The following PLEKHH2 variants were observed in gnomAD, a reference collection of about 807,000 sequenced individuals.
PLEKHH2 encodes pleckstrin homology, MyTH4 and FERM domain containing H2.
PLEKHH2 carries 129 observed loss-of-function variants against 187.9 expected under a neutral mutation model. The ratio of observed to expected loss-of-function variants is 0.69; its 90% CI spans 0.59 to 0.79. PLEKHH2 has a LOEUF of 0.79. Ranked by LOEUF, PLEKHH2 falls within the 30% of genes least tolerant of loss-of-function variation. The pLI is 0.00. For synonymous variants in PLEKHH2, 686 were observed against 605.6 expected (o/e 1.13, Z -1.95); for missense variants, 2,076 against 1,751.2 (o/e 1.19, Z -3.31).
At chr2:43,674,984 CAA>C (rs57920523) in intron 2 of PLEKHH2, among the ~76,000 whole-genome samples, 17 of 104,100 alleles carry the variant, frequency 1.6e-4, no homozygotes, top group Non-Finnish European at 1.4e-4. Context: ...GACTCCATTT[CAA>C]AAAAAAAAAA....
At chr2:43,658,449 A>G (rs1353339113) in intron 2 of PLEKHH2, among the ~76,000 whole-genome samples, 1 of 152,232 alleles carries the variant, frequency 6.6e-6, no homozygotes, top group Admixed American at 6.5e-5. Flanking sequence ...AGCATTTATT[A>G]TCTTGCACAG....
At chr2:43,756,063 C>G (rs1672198425) in intron 25 of PLEKHH2, among the ~76,000 whole-genome samples, 2 of 152,244 alleles carry the variant, frequency 1.3e-5, no homozygotes, top group South Asian at 4.1e-4. Context: ...TCAACATTCC[C>G]TTAATACTCC....
intron 2 of PLEKHH2, among the ~76,000 whole-genome samples, chr2:43,668,189 C>T (rs970557098): frequency 2.0e-5 from 3 of 152,100 alleles, no homozygotes; most frequent in Admixed American, 6.5e-5. Context: ...CCCACCACCA[C>T]TCCTGGCTAA....
intron 6 of PLEKHH2, among the ~76,000 whole-genome samples, chr2:43,696,091 A>C (rs1669076073): frequency 6.6e-6 from 1 of 152,204 alleles, no homozygotes; most frequent in African/African-American, 2.4e-5. Flanking sequence ...GAATCAATTG[A>C]TAATCCGCTG....
rs1437349166 is a variant in PLEKHH2, at chr2:43,707,485, A to C, written c.1906A>C (p.Thr636Pro). The change falls in exon 11 of 30, where the codon ACG (threonine) becomes CCG (proline). Residue 636 changes from threonine (T) to proline (P), a missense_variant. Coordinates refer to ENST00000282406, the MANE Select transcript of PLEKHH2 (RefSeq NM_172069.4). ...AGACAGCTCCAGATCCAGCTCCCGG[A>C]CGTCAGAGTCAGACTCACGCAGTAG... ...EEDSSRSSSRTSESDSRSRSG... is the reference protein window; with the variant it reads ...EEDSSRSSSRPSESDSRSRSG... 2 of 1,614,174 alleles carry C rather than the reference A, an allele frequency of 1.2e-6. No individual in the cohort carries two copies. Among genetic ancestry groups the C allele is most frequent in the East Asian group, 4.5e-5 (2 of 44,882 alleles).
chr2:43,741,354 T>G (rs540230248), intron 21 of PLEKHH2: 24 of 174,906 alleles, frequency 1.4e-4, no homozygotes, highest in African/African-American at 4.5e-4. Context: ...AAGCAACTAT[T>G]TTGTTTCCTT....
Position 43,707,349 on chromosome 2 carries a change from T to C in PLEKHH2, c.1822-52T>C, listed in dbSNP as rs114318707. 2.4e-3 allele frequency: 3,787 copies of C among 1,599,490 alleles called. 11 individuals are homozygous for C. Among genetic ancestry groups the C allele is most frequent in the Middle Eastern group, 0.022 (128 of 5,880 alleles). On this transcript the variant is annotated intron_variant, in intron 10 of 29. Transcript: ENST00000282406. Reference sequence around the variant, plus strand: ...TAATAACTAGCAGCCTTTTCTTGGATGAGTGGTAACATTAGGGATGGATAC... The same window carrying C: ...TAATAACTAGCAGCCTTTTCTTGGACGAGTGGTAACATTAGGGATGGATAC...
chr2:43,745,146 T>C (rs1345139946), intron 23 of PLEKHH2, among the ~76,000 whole-genome samples: 1 of 152,068 alleles, frequency 6.6e-6, no homozygotes, highest in East Asian at 1.9e-4. Flanking sequence ...AAACGCCATT[T>C]CTACTAAAAA....
intron 1 of PLEKHH2, among the ~76,000 whole-genome samples, chr2:43,638,486 T>C (rs10184887): frequency 0.026 from 3,994 of 152,274 alleles, 178 homozygotes; most frequent in African/African-American, 0.091. Flanking sequence ...CACTCCACAA[T>C]TGTAAACAGT....
At chr2:43,682,933 C>CAT (rs199963185) in intron 3 of PLEKHH2, among the ~76,000 whole-genome samples, 290 of 129,546 alleles carry the variant, frequency 2.2e-3, no homozygotes, top group South Asian at 9.2e-3. Flanking sequence ...AATAATGTTC[C>CAT]ATATATACAC....
At chr2:43,704,148 A>G in intron 9 of PLEKHH2, 92 bp downstream of exon 9, 2 of 860,684 alleles carry the variant, frequency 2.3e-6, no homozygotes, top group South Asian at 3.6e-5. Context: ...AGTCACAAAA[A>G]GACAAATACT....
At chr2:43,655,479 C>T (rs1666708212) in intron 2 of PLEKHH2, among the ~76,000 whole-genome samples, 1 of 152,074 alleles carries the variant, frequency 6.6e-6, no homozygotes, top group African/African-American at 2.4e-5. Context: ...AAACCAGCAC[C>T]TTCAATTTGA....
intron 15 of PLEKHH2, among the ~76,000 whole-genome samples, chr2:43,718,634 G>A (rs1363289889): frequency 6.6e-6 from 1 of 151,958 alleles, no homozygotes; most frequent in Non-Finnish European, 1.5e-5. Flanking sequence ...TCATTAATTT[G>A]CATTTCTTCG....
At chr2:43,734,138 A>C (rs13419218) in intron 19 of PLEKHH2, among the ~76,000 whole-genome samples, 3,671 of 152,272 alleles carry the variant, frequency 0.024, 154 homozygotes, top group African/African-American at 0.084. Context: ...GAGTAGAGAG[A>C]ATATTACAAT....
chr2:43,717,416 TCAAACAAACAAA>T (rs57980394), intron 15 of PLEKHH2, among the ~76,000 whole-genome samples: 41 of 150,836 alleles, frequency 2.7e-4, no homozygotes, highest in African/African-American at 8.0e-4. Context: ...AGACTCCACC[TCAAACAAACAAA>T]CAAACAAACA....
In PLEKHH2 at chr2:43,653,461, G is replaced by C. The variant is rs561287541; in HGVS notation, c.123+8665G>C. Among the ~76,000 whole-genome samples the C allele has an allele frequency of 1.5e-3, 224 of 152,260 alleles. 2 individuals are homozygous for C. The South Asian group carries it at 0.019, about 13-fold the overall frequency. Reference sequence around the variant, plus strand: ...AGGCCAATTATGAATTTTATTTGAAGGTAGAATAAAGATATTTTGAAGACA... The same window carrying C: ...AGGCCAATTATGAATTTTATTTGAACGTAGAATAAAGATATTTTGAAGACA... On this transcript the variant is annotated intron_variant, in intron 2 of 29. Transcript: ENST00000282406.
chr2:43,703,209 A>G (rs1471879660), intron 8 of PLEKHH2, among the ~76,000 whole-genome samples: 1 of 152,144 alleles, frequency 6.6e-6, no homozygotes, highest in Non-Finnish European at 1.5e-5. Context: ...TCCAAGTTAG[A>G]CCCATTATTA....
chr2:43,699,542 AAATTTCTACAGTGTC>A, intron 7 of PLEKHH2, 90 bp from the exon 8 acceptor site: 1 of 1,405,082 alleles, frequency 7.1e-7, no homozygotes, highest in Non-Finnish European at 9.7e-7. Flanking sequence ...TGCACCCAGC[AAATTTCTACAGTGTC>A]AATTTCTACA....
intron 3 of PLEKHH2, among the ~76,000 whole-genome samples, chr2:43,691,533 G>T (rs1280503296): frequency 1.3e-5 from 2 of 152,192 alleles, no homozygotes. Context: ...CAAACGGGAA[G>T]GCAGGTTCTC....
Sources: gnomAD v4.1 joint callset for allele counts (sites outside exome capture counted in the v4.1 genomes callset) on GRCh38, gnomAD v4.1.1 for gene constraint, MANE v1.5 for transcripts, NCBI Gene and HGNC (gene_info 2026-07-23, HGNC 2026-07-21) for gene names.